The following LTBP1 variants were observed in gnomAD, a reference collection of about 807,000 sequenced individuals.
The protein encoded by LTBP1 is latent-transforming growth factor beta-binding protein 1.
Under a neutral mutation model 207.6 loss-of-function variants are expected in LTBP1, and 129 were observed. That is an observed-to-expected ratio of 0.62 (90% CI 0.54 to 0.72). The LOEUF (loss-of-function observed/expected upper bound fraction) is 0.72, where lower values mean the gene tolerates loss of function less well. LTBP1 is among the 30% of genes least tolerant of loss of function. The pLI is 0.00. For synonymous variants in LTBP1, 963 were observed against 833.7 expected (o/e 1.16, Z -2.67); for missense variants, 2,281 against 2,217.2 (o/e 1.03, Z -0.58).
At chr2:33,370,831 A>C (rs73929408) in intron 31 of LTBP1, among the ~76,000 whole-genome samples, 2,416 of 152,292 alleles carry the variant, frequency 0.016, 72 homozygotes, top group African/African-American at 0.055. Context: ...TCAGTGCTGG[A>C]GGAATTTAAG....
intron 3 of LTBP1, among the ~76,000 whole-genome samples, chr2:33,035,934 T>G (rs890339660): frequency 6.6e-5 from 10 of 152,244 alleles, no homozygotes; most frequent in East Asian, 5.8e-4. Context: ...TCCTTGTTAA[T>G]TCCTTTATCC....
chr2:33,160,794 T>C (rs565912646), intron 5 of LTBP1, among the ~76,000 whole-genome samples: 49 of 152,322 alleles, frequency 3.2e-4, no homozygotes, highest in African/African-American at 1.2e-3. Context: ...CTCTATCTGT[T>C]GCTGACCAGC....
At chr2:32,988,977 C>T (rs1268140437) in intron 2 of LTBP1, among the ~76,000 whole-genome samples, 1 of 151,884 alleles carries the variant, frequency 6.6e-6, no homozygotes, top group Non-Finnish European at 1.5e-5. Flanking sequence ...TATTTTTGTG[C>T]CACTATCAAA....
chr2:33,247,144 C>T (rs1247798475), intron 10 of LTBP1, among the ~76,000 whole-genome samples: 2 of 152,204 alleles, frequency 1.3e-5, no homozygotes, highest in African/African-American at 4.8e-5. Context: ...TAGTATTCTT[C>T]ACCCATCAAC....
intron 26 of LTBP1, among the ~76,000 whole-genome samples, chr2:33,354,587 C>CT (rs1182815757): frequency 6.6e-6 from 1 of 151,446 alleles, no homozygotes; most frequent in Admixed American, 6.6e-5. Context: ...TTTCTGCTTG[C>CT]TATAGATAGT....
At chr2:33,260,461 T>C (rs2092979051) in intron 13 of LTBP1, among the ~76,000 whole-genome samples, 1 of 152,206 alleles carries the variant, frequency 6.6e-6, no homozygotes, top group African/African-American at 2.4e-5. Flanking sequence ...GTACCATTCT[T>C]TAAGCTGACA....
At chr2:33,280,307 C>A in intron 19 of LTBP1, 149 bp downstream of exon 19, 4 of 744,608 alleles carry the variant, frequency 5.4e-6, no homozygotes, top group South Asian at 3.4e-5. Flanking sequence ...AACTTTTAAC[C>A]ATTGAGAAAA....
rs940563801 is a variant in LTBP1, at chr2:33,043,059, A to G, written c.863+21853A>G. On this transcript the variant is annotated intron_variant, in intron 3 of 33. Transcript: ENST00000404816. ...GGGGAATGGTTACAGAGCTCTTCTCAGCCTCAGGGAGGCCTATAATCCCCA... is the reference window on the plus strand; with the variant it reads ...GGGGAATGGTTACAGAGCTCTTCTCGGCCTCAGGGAGGCCTATAATCCCCA... Among the ~76,000 whole-genome samples, 5 of 152,302 alleles carry G rather than the reference A, an allele frequency of 3.3e-5. No homozygotes were observed. In the East Asian group the frequency reaches 9.7e-4, roughly 29 times the overall value.
At chr2:33,047,943 T>G (rs978285368) in intron 3 of LTBP1, among the ~76,000 whole-genome samples, 1 of 150,428 alleles carries the variant, frequency 6.6e-6, no homozygotes, top group African/African-American at 2.5e-5. Context: ...CAACCTCTGC[T>G]TTTTTTTTTG....
chr2:32,964,605 A>G (rs1458172877), intron 2 of LTBP1, among the ~76,000 whole-genome samples: 1 of 152,178 alleles, frequency 6.6e-6, no homozygotes, highest in Admixed American at 6.5e-5. Flanking sequence ...CTTTTGATGA[A>G]GCATCCAAAT....
At chr2:32,970,888 G>C (rs1366633190) in intron 2 of LTBP1, among the ~76,000 whole-genome samples, 2 of 151,918 alleles carry the variant, frequency 1.3e-5, no homozygotes, top group Non-Finnish European at 2.9e-5. Flanking sequence ...CTGTCCATGA[G>C]CATGGATTTT....
At chr2:33,170,427 T>A (rs1342566032) in intron 5 of LTBP1, among the ~76,000 whole-genome samples, 1 of 152,084 alleles carries the variant, frequency 6.6e-6, no homozygotes, top group Admixed American at 6.5e-5. Flanking sequence ...GAGATCAAAC[T>A]GCAAGGCCGC....
In LTBP1 at chr2:33,188,618, C is replaced by T. The variant is rs779296998; in HGVS notation, c.1468C>T (p.Pro490Ser). The change falls in exon 7 of 34, where the codon CCT becomes TCT. Residue 490 changes from proline to serine, a missense_variant. Physicochemically the swap from Pro to Ser is moderately conservative, Grantham distance 74 (BLOSUM62 -1). Coordinates refer to ENST00000404816, the MANE Select transcript of LTBP1 (RefSeq NM_206943.4). ...CATAGTCAATATCCATGTGAAACAT[C>T]CTCCTGAAGCTTCCGTCCAGATACA... ...PNIVNIHVKH[P>S]PEASVQIHQV... is the part of the protein sequence containing the mutation. 5 of 1,613,924 alleles carry T rather than the reference C, an allele frequency of 3.1e-6. No individual in the cohort carries two copies. Among genetic ancestry groups the T allele is most frequent in the Non-Finnish European group, 4.2e-6 (5 of 1,179,962 alleles).
At chr2:33,080,542 G>A (rs2078333291) in intron 3 of LTBP1, among the ~76,000 whole-genome samples, 2 of 152,026 alleles carry the variant, frequency 1.3e-5, no homozygotes, top group African/African-American at 4.8e-5. Flanking sequence ...TCATATTATT[G>A]TATATTATAT....
chr2:33,181,955 AACTG>A (rs1220103737), intron 5 of LTBP1, among the ~76,000 whole-genome samples: 3 of 152,208 alleles, frequency 2.0e-5, no homozygotes, highest in South Asian at 2.1e-4. Flanking sequence ...TCTGTGATGT[AACTG>A]ACTATTAGGT....
At chr2:33,058,881 C>T (rs1572430161) in intron 3 of LTBP1, among the ~76,000 whole-genome samples, 2 of 152,152 alleles carry the variant, frequency 1.3e-5, no homozygotes, top group Non-Finnish European at 2.9e-5. Flanking sequence ...ATATGACCTG[C>T]ACGTGTTGAA....
intron 15 of LTBP1, among the ~76,000 whole-genome samples, chr2:33,272,326 C>G (rs2093338788): frequency 6.6e-6 from 1 of 152,126 alleles, no homozygotes; most frequent in Non-Finnish European, 1.5e-5. Flanking sequence ...AACCACAGAC[C>G]TCTCTAACAA....
chr2:32,990,770 A>G (rs1006325679), intron 2 of LTBP1, among the ~76,000 whole-genome samples: 2 of 152,186 alleles, frequency 1.3e-5, no homozygotes, highest in African/African-American at 2.4e-5. Context: ...TCAGTTCGGT[A>G]TTATGAGTCT....
In LTBP1 at chr2:33,398,345, A is replaced by G; in HGVS notation, c.4985-19A>G. 1.9e-6 allele frequency: 3 copies of G among 1,608,650 alleles called. No homozygotes were observed. Among genetic ancestry groups the G allele is most frequent in the East Asian group, 2.2e-5 (1 of 44,792 alleles). ...ATAATATCCAAGATTGTTTACCTGC[A>G]TGGCTTGACTTATTGCAGATGTAAA... is the stretch of plus-strand genomic sequence containing the variant. On this transcript the variant is annotated intron_variant, in intron 33 of 33. Transcript: ENST00000404816.
Sources: gnomAD v4.1 joint callset for allele counts (sites outside exome capture counted in the v4.1 genomes callset) on GRCh38, gnomAD v4.1.1 for gene constraint, MANE v1.5 for transcripts, NCBI Gene and HGNC (gene_info 2026-07-23, HGNC 2026-07-21) for gene names.